The following NFIB variants were observed in gnomAD, a reference collection of about 807,000 sequenced individuals.
NFIB encodes nuclear factor 1 B-type.
A neutral mutation model predicts 61.5 loss-of-function variants in NFIB; 11 were observed. The observed-to-expected ratio is 0.18, with a 90% CI of 0.11 to 0.30. NFIB has a LOEUF of 0.30. Ranked by LOEUF, NFIB falls within the 10% of genes least tolerant of loss-of-function variation. The pLI, the probability that NFIB is intolerant of heterozygous loss-of-function variation, is 1.00. For missense variants in NFIB, 471 were observed against 608.9 expected (o/e 0.77, Z 2.38); for synonymous variants, 260 against 216.5 (o/e 1.20, Z -1.76).
At chr9:14,119,182 G>A (rs1425927571) in intron 8 of NFIB, among the ~76,000 whole-genome samples, 3 of 152,240 alleles carry the variant, frequency 2.0e-5, no homozygotes, top group Admixed American at 6.5e-5. Flanking sequence ...CTATGGAACT[G>A]AGACTTCTGA....
chr9:14,444,963 G>A, the NFIB span, among the ~76,000 whole-genome samples: 5 of 151,728 alleles, frequency 3.3e-5, no homozygotes, highest in Non-Finnish European at 1.5e-5. Flanking sequence ...GTTCAACTGT[G>A]CTTGCTTTTG....
rs536702649 is a variant in NFIB, at chr9:14,280,074, C to G, written c.562+26915G>C. Among the ~76,000 whole-genome samples the G allele has an allele frequency of 1.6e-3, 244 of 152,066 alleles. 6 individuals are homozygous for G. The highest frequency in any genetic ancestry group is 5.5e-3 in the African/African-American group (227 of 41,482). On this transcript the variant is annotated intron_variant, in intron 2 of 10. Coordinates refer to ENST00000380953, the MANE Select transcript of NFIB (RefSeq NM_001190737.2). Reference sequence around the variant, plus strand: ...CAGGTAGAATCCAGGATTTTATTTCCCAGGAAGAGGAATTAATCTGAGTCC... The same window carrying G: ...CAGGTAGAATCCAGGATTTTATTTCGCAGGAAGAGGAATTAATCTGAGTCC...
intron 1 of NFIB, among the ~76,000 whole-genome samples, chr9:14,330,043 C>G (rs1352166986): frequency 2.0e-5 from 3 of 152,026 alleles, no homozygotes; most frequent in Non-Finnish European, 4.4e-5. Context: ...AGGAGAATCA[C>G]TTGAACCCTG....
chr9:14,413,695 C>A, the NFIB span, among the ~76,000 whole-genome samples: 1 of 152,166 alleles, frequency 6.6e-6, no homozygotes, highest in East Asian at 1.9e-4. Context: ...AAATCATAGG[C>A]TTCCCACCAG....
At chr9:14,376,710 G>A (rs1005742991) in intron 1 of NFIB, among the ~76,000 whole-genome samples, 1 of 151,920 alleles carries the variant, frequency 6.6e-6, no homozygotes, top group Non-Finnish European at 1.5e-5. Context: ...TAGAGACAGG[G>A]TTTCACCATG....
At chr9:14,128,094 C>G (rs554891256) in intron 6 of NFIB, among the ~76,000 whole-genome samples, 2 of 152,152 alleles carry the variant, frequency 1.3e-5, no homozygotes, top group South Asian at 4.1e-4. Context: ...CGCATAAGAG[C>G]TATGTGATTT....
At chr9:14,385,180 G>T (rs1264079130) in intron 1 of NFIB, among the ~76,000 whole-genome samples, 1 of 152,132 alleles carries the variant, frequency 6.6e-6, no homozygotes, top group African/African-American at 2.4e-5. Flanking sequence ...TCCTGTGGGG[G>T]TTTGTGTCAT....
chr9:14,341,544 C>A (rs1159188273), intron 1 of NFIB, among the ~76,000 whole-genome samples: 1 of 152,278 alleles, frequency 6.6e-6, no homozygotes, highest in African/African-American at 2.4e-5. Flanking sequence ...CTGGCCACCT[C>A]CCCAGCACAG....
chr9:14,240,863 G>C (rs1040329583), intron 2 of NFIB, among the ~76,000 whole-genome samples: 2 of 152,204 alleles, frequency 1.3e-5, no homozygotes, highest in African/African-American at 4.8e-5. Flanking sequence ...TTTGTAGGCT[G>C]CAAGTATCAC....
the NFIB span, among the ~76,000 whole-genome samples, chr9:14,486,049 C>T: frequency 6.6e-6 from 1 of 152,160 alleles, no homozygotes; most frequent in Non-Finnish European, 1.5e-5. Context: ...CACACACTGA[C>T]ATGGACCTCG....
chr9:14,153,608 A>C (rs913086977), intron 4 of NFIB, among the ~76,000 whole-genome samples: 1 of 152,130 alleles, frequency 6.6e-6, no homozygotes, highest in South Asian at 2.1e-4. Flanking sequence ...GATGGAGATA[A>C]TATCATTCAA....
chr9:14,179,183 G>A lies in NFIB; in HGVS notation c.616+544C>T, dbSNP rs750904702. 6.3e-4 allele frequency among the ~76,000 whole-genome samples: 96 copies of A among 151,912 alleles called. 2 individuals carry two copies. The highest frequency in any genetic ancestry group is 5.3e-4 in the Non-Finnish European group (36 of 67,984). ...CTGGAACAACTTCTGAAAACAAAGA[G>A]GGTATTTGGGATACCTTATGCTAAA... On this transcript the variant is annotated intron_variant, in intron 3 of 10. Coordinates refer to ENST00000380953, the MANE Select transcript of NFIB (RefSeq NM_001190737.2).
chr9:14,109,595 T>C (rs772667209), intron 10 of NFIB, among the ~76,000 whole-genome samples: 3 of 152,006 alleles, frequency 2.0e-5, no homozygotes, highest in East Asian at 3.8e-4. Context: ...ATTTCCCCCA[T>C]GCCAATAGCG....
At chr9:14,507,782 G>C in the NFIB span, among the ~76,000 whole-genome samples, 1 of 152,146 alleles carries the variant, frequency 6.6e-6, no homozygotes, top group Non-Finnish European at 1.5e-5. Flanking sequence ...AGGTCAGACA[G>C]AAATAAAGCA....
At chr9:14,105,319 T>A (rs2036396783) in intron 10 of NFIB, among the ~76,000 whole-genome samples, 1 of 152,200 alleles carries the variant, frequency 6.6e-6, no homozygotes. Flanking sequence ...ACAACAAATA[T>A]ATTTAGCAAT....
chr9:14,241,455 A>T (rs1369701226), intron 2 of NFIB, among the ~76,000 whole-genome samples: 1 of 152,134 alleles, frequency 6.6e-6, no homozygotes, highest in Non-Finnish European at 1.5e-5. Flanking sequence ...GCACGTAAGA[A>T]TTGGCTTCCA....
the NFIB span, among the ~76,000 whole-genome samples, chr9:14,485,851 G>T: frequency 1.3e-5 from 2 of 151,722 alleles, no homozygotes; most frequent in African/African-American, 4.8e-5. Flanking sequence ...CTCCAGCCTG[G>T]GTGACAGAGT....
At chr9:14,361,339 C>T (rs2061238051) in intron 1 of NFIB, 6 of 151,738 alleles carry the variant, frequency 4.0e-5, no homozygotes, top group Admixed American at 3.9e-4. Flanking sequence ...ATGTCACTGG[C>T]ATCAGTAAAC....
chr9:14,341,315 A>G (rs932801385), intron 1 of NFIB, among the ~76,000 whole-genome samples: 4 of 152,162 alleles, frequency 2.6e-5, no homozygotes, highest in African/African-American at 9.7e-5. Flanking sequence ...GTGGGAGTTG[A>G]AATCTGCAAT....
Sources: allele counts gnomAD v4.1 joint callset (sites outside exome capture counted in the v4.1 genomes callset), GRCh38; gene constraint gnomAD v4.1.1; transcripts MANE v1.5; gene names NCBI Gene and HGNC (gene_info 2026-07-23, HGNC 2026-07-21).